Variants in ACTR3C observed in about 807,000 individuals in gnomAD.
ACTR3C encodes the protein actin related protein 3C.
ACTR3C carries 18 observed loss-of-function variants against 26.3 expected under a neutral mutation model. The observed-to-expected ratio is 0.68, with a 90% CI of 0.47 to 1.01. The LOEUF (loss-of-function observed/expected upper bound fraction) is 1.01. Among genes scored for constraint, ACTR3C ranks in the 50% least tolerant of loss-of-function variants. The pLI is 0.00. For missense variants in ACTR3C, 184 were observed against 250.7 expected (o/e 0.73, Z 1.80); for synonymous variants, 55 against 94.5 (o/e 0.58, Z 2.42).
At chr7:149,920,987 C>T in the ACTR3C span, among the ~76,000 whole-genome samples, 8 of 151,388 alleles carry the variant, frequency 5.3e-5, no homozygotes, top group African/African-American at 1.5e-4. Flanking sequence ...CTGGTCTGAC[C>T]CCAGGTGATC....
the ACTR3C span, among the ~76,000 whole-genome samples, chr7:150,137,721 C>T: frequency 5.9e-5 from 9 of 151,934 alleles, no homozygotes; most frequent in Non-Finnish European, 1.2e-4. Flanking sequence ...TCAAAAAGTC[C>T]CCAAAATAGA....
the ACTR3C span, among the ~76,000 whole-genome samples, chr7:150,121,783 C>T: frequency 6.6e-6 from 1 of 151,898 alleles, no homozygotes; most frequent in Admixed American, 6.6e-5. Context: ...CAAGACAATC[C>T]TAAGCAAAAA....
At chr7:150,048,753 C>A in the ACTR3C span, among the ~76,000 whole-genome samples, 1 of 152,110 alleles carries the variant, frequency 6.6e-6, no homozygotes, top group Non-Finnish European at 1.5e-5. Flanking sequence ...GCAAATGGGG[C>A]GTGGGAGAGC....
chr7:150,157,762 T>C, the ACTR3C span, among the ~76,000 whole-genome samples: 7 of 151,880 alleles, frequency 4.6e-5, no homozygotes, highest in East Asian at 3.9e-4. Flanking sequence ...CACAAGACTA[T>C]GAACTGCTTG....
At chr7:149,984,907 T>C in the ACTR3C span, among the ~76,000 whole-genome samples, 4 of 152,200 alleles carry the variant, frequency 2.6e-5, no homozygotes, top group African/African-American at 7.2e-5. Flanking sequence ...TAATAAAATT[T>C]TGATCAAAAT....
chr7:150,225,265 A>G, the ACTR3C span, among the ~76,000 whole-genome samples: 2 of 152,336 alleles, frequency 1.3e-5, no homozygotes, highest in African/African-American at 4.8e-5. Context: ...AGAGAATGGT[A>G]ATGTATTTGT....
At chr7:150,158,955 G>A in the ACTR3C span, among the ~76,000 whole-genome samples, 1 of 143,142 alleles carries the variant, frequency 7.0e-6, no homozygotes, top group African/African-American at 2.7e-5. Context: ...GCACACACAG[G>A]TACACACGTG....
At chr7:149,898,756 A>G in the ACTR3C span, among the ~76,000 whole-genome samples, 1 of 152,142 alleles carries the variant, frequency 6.6e-6, no homozygotes, top group Non-Finnish European at 1.5e-5. Flanking sequence ...ATTAAAACAC[A>G]TCACACACAC....
chr7:150,314,610 T>G (rs1796651542), intron 1 of ACTR3C, among the ~76,000 whole-genome samples: 1 of 152,142 alleles, frequency 6.6e-6, no homozygotes, highest in Admixed American at 6.5e-5. Flanking sequence ...GCAATATTTT[T>G]GTGCTTTTCT....
the ACTR3C span, among the ~76,000 whole-genome samples, chr7:150,210,986 G>C: frequency 2.0e-3 from 308 of 150,502 alleles, 1 homozygote; most frequent in African/African-American, 7.3e-3. Context: ...CTGCTTTTAA[G>C]ACATCATCTC....
chr7:150,213,018 T>C, the ACTR3C span, among the ~76,000 whole-genome samples: 2,097 of 151,468 alleles, frequency 0.014, 51 homozygotes, highest in African/African-American at 0.049. Flanking sequence ...CTAGACACTA[T>C]GTGGAAAACG....
chr7:150,241,702 C>T (rs931595862), downstream of ACTR3C, among the ~76,000 whole-genome samples: 4 of 152,040 alleles, frequency 2.6e-5, no homozygotes, highest in Non-Finnish European at 5.9e-5. Context: ...AATGGAAAGG[C>T]TAGGTACAGA....
chr7:150,118,137 C>T, the ACTR3C span, among the ~76,000 whole-genome samples: 1 of 152,076 alleles, frequency 6.6e-6, no homozygotes, highest in African/African-American at 2.4e-5. Context: ...GAAAAACCAG[C>T]GCGAAAAGGC....
chr7:150,162,828 G>A, the ACTR3C span, among the ~76,000 whole-genome samples: 3 of 152,140 alleles, frequency 2.0e-5, no homozygotes, highest in Non-Finnish European at 2.9e-5. Flanking sequence ...GATGAATGAC[G>A]GTACCACGAG....
chr7:150,064,353 G>A, the ACTR3C span, among the ~76,000 whole-genome samples: 5 of 146,648 alleles, frequency 3.4e-5, no homozygotes, highest in Admixed American at 3.4e-4. Context: ...TCAGGAGTTC[G>A]AGACCAGCCT....
At chr7:150,266,311 G>T (rs1372092232) in intron 6 of ACTR3C, among the ~76,000 whole-genome samples, 1 of 147,936 alleles carries the variant, frequency 6.8e-6, no homozygotes, top group African/African-American at 2.6e-5. Flanking sequence ...AAGTCATCAG[G>T]ATACTTCAAT....
intron 6 of ACTR3C, among the ~76,000 whole-genome samples, chr7:150,266,127 G>C (rs915090107): frequency 1.4e-5 from 2 of 147,916 alleles, no homozygotes; most frequent in African/African-American, 5.2e-5. Flanking sequence ...CTCTGTAATA[G>C]GTTTTTTAAC....
chr7:149,991,684 A>G, the ACTR3C span, among the ~76,000 whole-genome samples: 14 of 152,208 alleles, frequency 9.2e-5, no homozygotes, highest in Admixed American at 2.6e-4. Context: ...GACATCTTAG[A>G]TTACGTGTCA....
chr7:150,028,569 G>A, the ACTR3C span, among the ~76,000 whole-genome samples: 2 of 152,310 alleles, frequency 1.3e-5, no homozygotes, highest in African/African-American at 4.8e-5. Flanking sequence ...CGCCGAGGCT[G>A]ATCCCGTGGG....
Sources: gnomAD v4.1 joint callset for allele counts (sites outside exome capture counted in the v4.1 genomes callset) on GRCh38, gnomAD v4.1.1 for gene constraint, MANE v1.5 for transcripts, NCBI Gene and HGNC (gene_info 2026-07-23, HGNC 2026-07-21) for gene names.